ZNF618: variants seen among roughly 807,000 people sequenced by gnomAD.
The protein encoded by ZNF618 is neural precursor cell expressed, developmentally down-regulated 10.
ZNF618 carries 34 observed loss-of-function variants against 103.0 expected under a neutral mutation model. The observed-to-expected ratio is 0.33, with a 90% confidence interval of 0.25 to 0.44. The LOEUF is 0.44. Among genes scored for constraint, ZNF618 ranks in the 20% least tolerant of loss-of-function variants. The pLI is 1.00. For missense variants in ZNF618, 1,059 were observed against 1,295.4 expected (o/e 0.82, Z 2.80); for synonymous variants, 551 against 542.2 (o/e 1.02, Z -0.23).
Position 114,032,543 on chromosome 9 carries a change from G to A in ZNF618, c.1085-102G>A, listed in dbSNP as rs1844176303. The stretch of plus-strand genomic sequence containing the variant: ...CCTGGAGCCCTCACGAGAGCTAGTT[G>A]GCCCAGCAGAGTCCTTGGCCTTCAC... On this transcript the variant is annotated intron_variant, in intron 11 of 14. Transcript: ENST00000374126. 6 of 1,020,076 alleles carry A rather than the reference G, an allele frequency of 5.9e-6. No individual in the cohort carries two copies. The East Asian group carries it at 1.4e-4, about 24-fold the overall frequency. 63.2% of individuals were successfully genotyped at this position (1,020,076 alleles called of 1,614,324 possible). A position where few individuals can be genotyped will look rare whatever the true frequency, so the allele number is the denominator to read the frequency against.
At chr9:114,041,688 A>G (rs918165920) in intron 13 of ZNF618, among the ~76,000 whole-genome samples, 8 of 152,086 alleles carry the variant, frequency 5.3e-5, no homozygotes, top group African/African-American at 1.9e-4. Context: ...ATTGGTCTAT[A>G]TCTCTGTTTT....
intron 1 of ZNF618, among the ~76,000 whole-genome samples, chr9:113,923,224 C>T (rs1030506061): frequency 1.2e-4 from 18 of 152,210 alleles, no homozygotes; most frequent in Admixed American, 5.9e-4. Flanking sequence ...ATCATATTAT[C>T]TGTGAATAAA....
chr9:113,942,117 G>C (rs10759665), intron 1 of ZNF618, among the ~76,000 whole-genome samples: 78,126 of 152,094 alleles, frequency 0.51, 20,701 homozygotes, highest in East Asian at 0.67. Context: ...TTCCTCGTGG[G>C]TATCAGAGAC....
At chr9:113,985,168 T>C (rs1449128533) in intron 2 of ZNF618, among the ~76,000 whole-genome samples, 1 of 152,238 alleles carries the variant, frequency 6.6e-6, no homozygotes, top group Non-Finnish European at 1.5e-5. Context: ...ATTGTTTGGA[T>C]GTGAAGACTG....
rs10739401 is a variant in ZNF618 at position 114,055,532 on chromosome 9, G to T, written c.*5365G>T. On this transcript the variant is annotated 3_prime_UTR_variant, in exon 15 of 15. Transcript: ENST00000374126. ...TTTCCCCACAACTTCACGCCAGTGA[G>T]TCGTTCACATCAGGTAAATCTTGAG... 0.96 allele frequency: 146,467 copies of T among 152,614 alleles called. 70,537 individuals are homozygous for T. The highest frequency in any genetic ancestry group is 1 in the Middle Eastern group (300 of 300). The allele number at this position is 152,614 out of a possible 1,614,324, so 9.5% of individuals were successfully genotyped here.
At chr9:113,915,971 A>G (rs1588030182) in intron 1 of ZNF618, among the ~76,000 whole-genome samples, 1 of 152,198 alleles carries the variant, frequency 6.6e-6, no homozygotes, top group South Asian at 2.1e-4. Flanking sequence ...TGATAATTAT[A>G]GTATTTATCA....
Position 114,048,709 on chromosome 9 carries a change from C to T in ZNF618, c.1407C>T (p.Ile469=), listed in dbSNP as rs180950123. Residue 469 remains isoleucine (I), a synonymous_variant, in exon 15 of 15, where the codon ATC becomes ATT. Transcript: ENST00000374126. ...SMIPEKERQN[I]AERLLRVMCA... Reference sequence around the variant, plus strand: ...TCCCCGAAAAGGAGCGGCAGAACATCGCAGAGCGGCTGTTGAGGGTCATGT... The same window carrying T: ...TCCCCGAAAAGGAGCGGCAGAACATTGCAGAGCGGCTGTTGAGGGTCATGT... 25 of 1,613,980 alleles carry T rather than the reference C, an allele frequency of 1.5e-5. No homozygotes were observed. Among genetic ancestry groups the T allele is most frequent in the East Asian group, 2.2e-5 (1 of 44,872 alleles).
At position 113,885,714 on chromosome 9, in the gene ZNF618, T is replaced by C. The variant is rs58115143; in HGVS notation, c.33+9301T>C. ...GGGAGGACAGGCCATCCTTAAACCC[T>C]TCCAGGCTTTTTGAAAGCATCGTAT... is the stretch of plus-strand genomic sequence containing the variant. On this transcript the variant is annotated intron_variant, in intron 1 of 14. Coordinates refer to ENST00000374126, the MANE Select transcript of ZNF618 (RefSeq NM_001318042.2). Among the ~76,000 whole-genome samples the C allele has an allele frequency of 1.3e-3, 201 of 152,306 alleles. 1 individual carries two copies. The highest frequency in any genetic ancestry group is 4.6e-3 in the African/African-American group (192 of 41,556).
chr9:113,876,882 A>C (rs1218310620), intron 1 of ZNF618, among the ~76,000 whole-genome samples: 2 of 127,620 alleles, frequency 1.6e-5, no homozygotes, highest in South Asian at 2.6e-4. Flanking sequence ...CTTTTTTTTT[A>C]GGCCATATTT....
At position 114,049,165 on chromosome 9, in the gene ZNF618, G is replaced by A. The variant is rs61745986; in HGVS notation, c.1863G>A (p.Val621=). 620 of 1,613,852 alleles carry A rather than the reference G, an allele frequency of 3.8e-4. 3 individuals carry two copies. The African/African-American group carries it at 7.6e-3, about 20-fold the overall frequency. Residue 621 remains valine (V), a synonymous_variant, in exon 15 of 15, where the codon GTG becomes GTA. Transcript: ENST00000374126. ...IRTVYVTDCR[V]STSAFSKAGM... is the part of the protein sequence containing the mutation. ...CAGTGTACGTGACGGATTGCCGGGT[G>A]AGCACGTCCGCCTTCTCCAAGGCCG...
intron 1 of ZNF618, among the ~76,000 whole-genome samples, chr9:113,949,411 G>A (rs778392211): frequency 3.0e-4 from 45 of 152,156 alleles, no homozygotes; most frequent in Non-Finnish European, 6.0e-4. Context: ...TGTGTGGTCC[G>A]AGACAGGAGT....
chr9:113,914,366 A>T (rs1831860031), intron 1 of ZNF618, among the ~76,000 whole-genome samples: 1 of 152,102 alleles, frequency 6.6e-6, no homozygotes, highest in Non-Finnish European at 1.5e-5. Context: ...AAGACGCAGG[A>T]TATAGGCACC....
chr9:113,975,260 C>T (rs1281765141), intron 2 of ZNF618, among the ~76,000 whole-genome samples: 4 of 152,170 alleles, frequency 2.6e-5, no homozygotes, highest in Admixed American at 2.6e-4. Flanking sequence ...TGGCATCCCT[C>T]ATGTTCAGAG....
chr9:113,996,728 T>C (rs1395730431), intron 3 of ZNF618, among the ~76,000 whole-genome samples: 1 of 152,188 alleles, frequency 6.6e-6, no homozygotes, highest in African/African-American at 2.4e-5. Context: ...CAGCCATCCC[T>C]GGGAGCAGTC....
intron 1 of ZNF618, among the ~76,000 whole-genome samples, chr9:113,936,056 G>A (rs1405440059): frequency 1.3e-5 from 2 of 152,140 alleles, no homozygotes; most frequent in Non-Finnish European, 2.9e-5. Context: ...CTGGGCTCAT[G>A]TGATCCTCCT....
At chr9:113,910,486 C>T (rs982622347) in intron 1 of ZNF618, among the ~76,000 whole-genome samples, 4 of 152,248 alleles carry the variant, frequency 2.6e-5, no homozygotes, top group Non-Finnish European at 4.4e-5. Context: ...TAATAACGAG[C>T]GTGTTCCTGC....
chr9:113,915,187 A>G (rs573995063), intron 1 of ZNF618, among the ~76,000 whole-genome samples: 2 of 152,292 alleles, frequency 1.3e-5, no homozygotes, highest in South Asian at 2.1e-4. Flanking sequence ...GCTGCCTGCT[A>G]TGGTCGGCAT....
chr9:113,980,939 T>A (rs7019628), intron 2 of ZNF618, among the ~76,000 whole-genome samples: 4 of 152,142 alleles, frequency 2.6e-5, no homozygotes, highest in African/African-American at 7.2e-5. Context: ...GACTTAACAG[T>A]TATTACCAAG....
intron 6 of ZNF618, among the ~76,000 whole-genome samples, chr9:114,006,119 A>G (rs970311739): frequency 6.6e-6 from 1 of 152,230 alleles, no homozygotes; most frequent in Non-Finnish European, 1.5e-5. Flanking sequence ...CCCTAAGTTC[A>G]GAAGGTGGGG....
Sources: allele counts gnomAD v4.1 joint callset (sites outside exome capture counted in the v4.1 genomes callset), GRCh38; gene constraint gnomAD v4.1.1; transcripts MANE v1.5; gene names NCBI Gene and HGNC (gene_info 2026-07-23, HGNC 2026-07-21).